The following PCDH15 variants were observed in gnomAD, a reference collection of about 807,000 sequenced individuals.
The protein encoded by PCDH15 is protocadherin-15.
PCDH15 carries 129 observed loss-of-function variants against 178.5 expected under a neutral mutation model. The ratio of observed to expected loss-of-function variants is 0.72; its 90% CI spans 0.63 to 0.84. The LOEUF is 0.84. Among genes scored for constraint, PCDH15 ranks in the 40% least tolerant of loss-of-function variants. PCDH15 has a pLI of 0.00. For synonymous variants in PCDH15, 800 were observed against 732.0 expected (o/e 1.09, Z -1.50); for missense variants, 2,230 against 2,099.9 (o/e 1.06, Z -1.21).
chr10:54,823,771 A>C (rs1392436718), intron 3 of PCDH15, among the ~76,000 whole-genome samples: 1 of 152,134 alleles, frequency 6.6e-6, no homozygotes, highest in Non-Finnish European at 1.5e-5. Flanking sequence ...GTAATTTTAA[A>C]ATTAGAAAAA....
chr10:55,127,705 T>C (rs1410758537), intron 2 of PCDH15, among the ~76,000 whole-genome samples: 1 of 152,064 alleles, frequency 6.6e-6, no homozygotes, highest in Non-Finnish European at 1.5e-5. Context: ...ATTATCTATT[T>C]GTAATCAATT....
chr10:55,599,023 T>C (rs1417295454), intron 2 of PCDH15, among the ~76,000 whole-genome samples: 1 of 152,084 alleles, frequency 6.6e-6, no homozygotes, highest in Non-Finnish European at 1.5e-5. Flanking sequence ...GTATAGGAGA[T>C]AGAAATTACT....
At chr10:54,933,350 T>A (rs900753360) in intron 2 of PCDH15, among the ~76,000 whole-genome samples, 6 of 152,094 alleles carry the variant, frequency 3.9e-5, no homozygotes, top group African/African-American at 1.4e-4. Context: ...TAAAAAAAAA[T>A]GTGTTTTATA....
chr10:54,284,895 T>C (rs573502036), intron 8 of PCDH15, among the ~76,000 whole-genome samples: 1 of 152,304 alleles, frequency 6.6e-6, no homozygotes, highest in South Asian at 2.1e-4. Context: ...AGCTTCTTTA[T>C]CATCTCAGCA....
chr10:54,681,391 G>GA (rs1491059229), intron 1 of PCDH15, among the ~76,000 whole-genome samples: 1 of 152,042 alleles, frequency 6.6e-6, no homozygotes, highest in Admixed American at 6.5e-5. Context: ...TACAAAGAGA[G>GA]AAAAAATCAG....
At chr10:54,743,751 G>A (rs1214691839) in intron 1 of PCDH15, among the ~76,000 whole-genome samples, 1 of 151,288 alleles carries the variant, frequency 6.6e-6, no homozygotes, top group Non-Finnish European at 1.5e-5. Context: ...TAAATATTAA[G>A]GATAACATGC....
chr10:54,314,179 C>G (rs1163357908), intron 8 of PCDH15, among the ~76,000 whole-genome samples: 2 of 151,004 alleles, frequency 1.3e-5, no homozygotes, highest in African/African-American at 4.9e-5. Flanking sequence ...TACAGAGTGC[C>G]AAATTTGTAT....
intron 17 of PCDH15, among the ~76,000 whole-genome samples, chr10:54,071,301 G>A (rs539338000): frequency 1.3e-5 from 2 of 152,246 alleles, no homozygotes; most frequent in South Asian, 2.1e-4. Context: ...AACCAGAAAT[G>A]TGTTTTGCTC....
chr10:55,139,777 C>T (rs1225582758), intron 2 of PCDH15, among the ~76,000 whole-genome samples: 3 of 151,768 alleles, frequency 2.0e-5, no homozygotes, highest in African/African-American at 7.3e-5. Flanking sequence ...TTCTTTGCTT[C>T]TATAAATAAA....
At chr10:53,928,995 C>A (rs933353260) in intron 25 of PCDH15, among the ~76,000 whole-genome samples, 6 of 151,982 alleles carry the variant, frequency 3.9e-5, no homozygotes, top group Non-Finnish European at 8.8e-5. Flanking sequence ...TTCCTAGATT[C>A]TTAAATATTT....
chr10:54,702,783 G>A (rs1468468469), intron 1 of PCDH15, among the ~76,000 whole-genome samples: 3 of 152,024 alleles, frequency 2.0e-5, no homozygotes, highest in African/African-American at 7.2e-5. Context: ...GATGTATAAA[G>A]AAGAGCTGCA....
intron 2 of PCDH15, among the ~76,000 whole-genome samples, chr10:55,152,403 C>T (rs372777676): frequency 7.9e-5 from 12 of 152,072 alleles, no homozygotes; most frequent in African/African-American, 2.7e-4. Flanking sequence ...GAATAAGTGA[C>T]TATAGACCTA....
chr10:54,685,281 G>A (rs2094975549), intron 1 of PCDH15, among the ~76,000 whole-genome samples: 1 of 151,966 alleles, frequency 6.6e-6, no homozygotes, highest in African/African-American at 2.4e-5. Flanking sequence ...TTTTTTATAA[G>A]GAGATGAAGT....
chr10:54,270,967 T>C (rs2132487630), intron 8 of PCDH15, among the ~76,000 whole-genome samples: 1 of 152,214 alleles, frequency 6.6e-6, no homozygotes, highest in African/African-American at 2.4e-5. Flanking sequence ...AAGTTCTAAA[T>C]TATTATATAT....
At chr10:55,222,304 G>A (rs996276259) in intron 1 of PCDH15, among the ~76,000 whole-genome samples, 3 of 151,882 alleles carry the variant, frequency 2.0e-5, no homozygotes, top group Non-Finnish European at 4.4e-5. Context: ...GTCATATTCT[G>A]TAACTTGTTT....
chr10:54,769,941 T>C (rs146115061), intron 1 of PCDH15, among the ~76,000 whole-genome samples: 10 of 152,288 alleles, frequency 6.6e-5, no homozygotes, highest in African/African-American at 2.4e-4. Context: ...TAATACTCTG[T>C]TGTCCAGTAT....
At chr10:54,905,373 C>T (rs937664466) in intron 2 of PCDH15, among the ~76,000 whole-genome samples, 1 of 152,002 alleles carries the variant, frequency 6.6e-6, no homozygotes, top group African/African-American at 2.4e-5. Flanking sequence ...TGTATAAAAT[C>T]CTGGCATAGC....
chr10:54,600,348 G>A, intron 2 of PCDH15: 1 of 538,258 alleles, frequency 1.9e-6, no homozygotes. Context: ...TCAATGGAGA[G>A]GTAGAAGGAA....
intron 1 of PCDH15, among the ~76,000 whole-genome samples, chr10:55,181,729 G>A (rs1488077557): frequency 6.6e-6 from 1 of 151,920 alleles, no homozygotes; most frequent in Non-Finnish European, 1.5e-5. Context: ...AAACTAAAAA[G>A]AGGCCTAATG....
Sources: gnomAD v4.1 joint callset for allele counts (sites outside exome capture counted in the v4.1 genomes callset) on GRCh38, gnomAD v4.1.1 for gene constraint, MANE v1.5 for transcripts, NCBI Gene and HGNC (gene_info 2026-07-23, HGNC 2026-07-21) for gene names.